Variants in FAM177B observed in about 807,000 individuals in gnomAD.
FAM177B encodes the protein protein FAM177B.
Under a neutral mutation model 16.1 loss-of-function variants are expected in FAM177B, and 16 were observed. The observed-to-expected ratio is 0.99, with a 90% CI of 0.67 to 1.51. The LOEUF is 1.51. FAM177B is among the 40% of genes most tolerant of loss of function. The pLI is 0.00. For missense variants in FAM177B, 178 were observed against 183.7 expected, an observed-to-expected ratio of 0.97 and a Z score of 0.18; for synonymous variants, 56 against 59.9, an observed-to-expected ratio of 0.93 and a Z score of 0.30.
At chr1:222,745,180 T>C (rs1658735785) in intron 2 of FAM177B, among the ~76,000 whole-genome samples, 1 of 152,232 alleles carries the variant, frequency 6.6e-6, no homozygotes, top group Non-Finnish European at 1.5e-5. Flanking sequence ...CGTCAGTGGA[T>C]GGACATTGAG....
intron 2 of FAM177B, among the ~76,000 whole-genome samples, chr1:222,744,399 G>A (rs1371412843): frequency 6.6e-6 from 1 of 151,296 alleles, no homozygotes; most frequent in East Asian, 1.9e-4. Context: ...TTGAATCTGG[G>A]AGACAGAGGT....
intron 2 of FAM177B, among the ~76,000 whole-genome samples, chr1:222,741,173 C>T (rs974602188): frequency 5.2e-4 from 78 of 150,646 alleles, no homozygotes; most frequent in African/African-American, 1.8e-3. Flanking sequence ...ATCCTCCCAC[C>T]TCAGACTCCT....
chr1:222,747,091 G>A lies in FAM177B; in HGVS notation c.241+10G>A. 6.3e-7 allele frequency: 1 copy of A among 1,584,116 alleles called. No individual in the cohort carries two copies. Among genetic ancestry groups the A allele is most frequent in the South Asian group, 1.1e-5 (1 of 90,470 alleles). ...AGCACCTCATTTTCTAGTAAGTACT[G>A]CTAAGGTTATTTTTTTCTATCCTAA... On this transcript the variant is annotated intron_variant, in intron 4 of 5. Transcript: ENST00000445590.
chr1:222,742,584 T>G (rs1224969307), intron 2 of FAM177B: 1 of 152,234 alleles, frequency 6.6e-6, no homozygotes, highest in Admixed American at 6.5e-5. Context: ...TTCTAAGATG[T>G]GCATCAAGCC....
At position 222,749,946 on chromosome 1, in the gene FAM177B, G is replaced by A. The variant is rs1376498472; in HGVS notation, c.365G>A (p.Arg122Lys). 1 of 1,614,142 alleles carries A rather than the reference G, an allele frequency of 6.2e-7. No individual in the cohort carries two copies. Among genetic ancestry groups the A allele is most frequent in the Admixed American group, 1.7e-5 (1 of 60,008 alleles). ...NKKSDNKSER[R>K]GSKAQAAEVP... ...AAAAGTGACAACAAAAGTGAAAGGA[G>A]AGGATCAAAGGCCCAGGCAGCTGAG... The change falls in exon 6 of 6, where the codon AGA becomes AAA. Residue 122 changes from arginine to lysine, a missense_variant. Physicochemically the swap from Arg to Lys is conservative, Grantham distance 26. Transcript: ENST00000445590.
At chr1:222,741,823 CTTT>C (rs887744331) in intron 2 of FAM177B, among the ~76,000 whole-genome samples, 1 of 137,554 alleles carries the variant, frequency 7.3e-6, no homozygotes, top group Non-Finnish European at 1.6e-5. Flanking sequence ...TTCTTTCTTT[CTTT>C]TTTCTTTCTT....
chr1:222,749,335 C>T (rs1558251007), intron 4 of FAM177B, 130 bp from the exon 5 acceptor site: 1 of 570,982 alleles, frequency 1.8e-6, no homozygotes. Context: ...GTTTTGTCAG[C>T]CTTGAAGTTA....
At chr1:222,740,600 A>G (rs1658478594) in intron 2 of FAM177B, among the ~76,000 whole-genome samples, 1 of 152,218 alleles carries the variant, frequency 6.6e-6, no homozygotes, top group African/African-American at 2.4e-5. Context: ...ATCCCAAAAC[A>G]ATACTTAGAA....
chr1:222,745,621 GC>G (rs869161251), intron 2 of FAM177B, among the ~76,000 whole-genome samples: 3 of 148,938 alleles, frequency 2.0e-5, no homozygotes, highest in African/African-American at 7.4e-5. Flanking sequence ...TGTCTCTGCA[GC>G]CCCCCAAAAA....
At chr1:222,738,772 G>T (rs1209060201) in intron 2 of FAM177B, among the ~76,000 whole-genome samples, 1 of 152,168 alleles carries the variant, frequency 6.6e-6, no homozygotes, top group Non-Finnish European at 1.5e-5. Context: ...TTGTAAATAA[G>T]TTGATTCCAA....
intron 2 of FAM177B, among the ~76,000 whole-genome samples, chr1:222,743,732 G>C (rs370890658): frequency 6.6e-6 from 1 of 152,232 alleles, no homozygotes; most frequent in African/African-American, 2.4e-5. Context: ...CAAGCTGGGG[G>C]TAGATTTTCC....
chr1:222,743,853 A>G (rs963740315), intron 2 of FAM177B, among the ~76,000 whole-genome samples: 3 of 151,928 alleles, frequency 2.0e-5, no homozygotes, highest in African/African-American at 4.8e-5. Context: ...TCTTCTCTCT[A>G]TTGGTAATAA....
intron 3 of FAM177B, 71 bp from the exon 4 acceptor site, chr1:222,746,944 C>G: frequency 9.2e-7 from 1 of 1,081,890 alleles, no homozygotes; most frequent in South Asian, 1.3e-5. Context: ...TTTGAAATCT[C>G]TACATTAAAA....
intron 2 of FAM177B, among the ~76,000 whole-genome samples, chr1:222,745,047 C>T (rs747064623): frequency 6.6e-6 from 1 of 152,170 alleles, no homozygotes; most frequent in Non-Finnish European, 1.5e-5. Context: ...GATGCAGTGT[C>T]TGGCTTCTTT....
In FAM177B at chr1:222,749,924, A is replaced by G. The variant is rs1381731784; in HGVS notation, c.343A>G (p.Ser115Gly). The change falls in exon 6 of 6, where the codon AGT becomes GGT. Residue 115 changes from serine to glycine, a missense_variant. Coordinates refer to ENST00000445590, the MANE Select transcript of FAM177B (RefSeq NM_001394345.1). The stretch of plus-strand genomic sequence containing the variant: ...TCCTTATTTCTCTCCAAAACAGAAA[A>G]GTGACAACAAAAGTGAAAGGAGAGG... Reference protein sequence around the residue: ...NEFYRIQNKKSDNKSERRGSK... With the variant: ...NEFYRIQNKKGDNKSERRGSK... 1 of 1,614,002 alleles carries G rather than the reference A, an allele frequency of 6.2e-7. No individual in the cohort carries two copies. The highest frequency in any genetic ancestry group is 1.3e-5 in the African/African-American group (1 of 74,918).
At chr1:222,749,637 G>C in intron 5 of FAM177B, 75 bp downstream of exon 5, 1 of 905,772 alleles carries the variant, frequency 1.1e-6, no homozygotes, top group East Asian at 2.4e-5. Flanking sequence ...CCAGTATAGA[G>C]AAGTATTTTT....
rs1022530662 is a variant in FAM177B, at chr1:222,738,197, T to C, written c.-16+176T>C. On this transcript the variant is annotated intron_variant, in intron 2 of 5. Coordinates refer to ENST00000445590, the MANE Select transcript of FAM177B (RefSeq NM_001394345.1). ...AAAAGTCTGACCTGGAGAATATAAA[T>C]GTTACAATCATCTGTGTGTGGATAG... Among the ~76,000 whole-genome samples, 4 of 151,982 alleles carry C rather than the reference T, an allele frequency of 2.6e-5. No individual in the cohort carries two copies. In the East Asian group the frequency reaches 7.7e-4, roughly 29 times the overall value.
intron 2 of FAM177B, among the ~76,000 whole-genome samples, chr1:222,741,056 T>C (rs1558246321): frequency 1.8e-5 from 2 of 111,390 alleles, no homozygotes; most frequent in African/African-American, 6.8e-5. Context: ...CTTTTTGTTT[T>C]CTTTTTTTTT....
intron 2 of FAM177B, among the ~76,000 whole-genome samples, chr1:222,741,038 G>A (rs1472388457): frequency 2.1e-5 from 3 of 141,970 alleles, no homozygotes; most frequent in Non-Finnish European, 1.5e-5. Flanking sequence ...TATATTTATT[G>A]CATCTTACTT....
Sources: gnomAD v4.1 joint callset for allele counts (sites outside exome capture counted in the v4.1 genomes callset) on GRCh38, gnomAD v4.1.1 for gene constraint, MANE v1.5 for transcripts, NCBI Gene and HGNC (gene_info 2026-07-23, HGNC 2026-07-21) for gene names.